The following VPS33B variants were observed in gnomAD, a reference collection of about 807,000 sequenced individuals.
VPS33B encodes VPS33B late endosome and lysosome associated.
A neutral mutation model predicts 95.3 loss-of-function variants in VPS33B; 80 were observed. The ratio of observed to expected loss-of-function variants is 0.84; its 90% CI spans 0.70 to 1.01. The LOEUF (loss-of-function observed/expected upper bound fraction) is 1.01, where lower values mean the gene tolerates loss of function less well. Among genes scored for constraint, VPS33B ranks in the 50% least tolerant of loss-of-function variants. The pLI is 0.00. For missense variants in VPS33B, 715 were observed against 773.4 expected (o/e 0.92, Z 0.90); for synonymous variants, 280 against 280.4 (o/e 1.00, Z 0.01).
rs1361879129 is a variant in VPS33B at position 91,015,014 on chromosome 15, A to G, written c.240-581T>C. Reference sequence around the variant, plus strand: ...TCAGGAGTTTGAGACCAGCCCAGCCAACATGGTGAAACCCCGTCTCTACTA... The same window carrying G: ...TCAGGAGTTTGAGACCAGCCCAGCCGACATGGTGAAACCCCGTCTCTACTA... On this transcript the variant is annotated intron_variant, in intron 3 of 22. Coordinates refer to ENST00000333371, the MANE Select transcript of VPS33B (RefSeq NM_018668.5). The surrounding 1 kb of genome is among the most constrained non-coding windows in gnomAD (Gnocchi z 4.7). Among the ~76,000 whole-genome samples, 1 of 150,692 alleles carries G rather than the reference A, an allele frequency of 6.6e-6. No homozygotes were observed. Among genetic ancestry groups the G allele is most frequent in the Non-Finnish European group, 1.5e-5 (1 of 67,822 alleles).
At position 91,007,518 on chromosome 15, in the gene VPS33B, G is replaced by A. The variant is rs762452344; in HGVS notation, c.554C>T (p.Thr185Ile). Reference protein sequence around the residue: ...TVAQALHLLSTLYGPFPNCYG... With the variant: ...TVAQALHLLSILYGPFPNCYG... Reference sequence around the variant, plus strand: ...GCAGTTTGGAAAGGGTCCATAGAGAGTGCTGAGAAGGTGTAAGGCCTGAGC... The same window carrying A: ...GCAGTTTGGAAAGGGTCCATAGAGAATGCTGAGAAGGTGTAAGGCCTGAGC... Residue 185 changes from threonine (T) to isoleucine (I), a missense_variant, in exon 8 of 23, where the codon ACT becomes ATT. By Grantham distance (89) the Thr-to-Ile change is moderately conservative. Transcript: ENST00000333371. This position sits in a 1 kb window ranked among gnomAD's most constrained non-coding sequence, Gnocchi z 5.3. The A allele has an allele frequency of 1.9e-6, 3 of 1,614,220 alleles. No individual in the cohort carries two copies. In the South Asian group the frequency reaches 3.3e-5, roughly 18 times the overall value.
Position 90,999,538 on chromosome 15 carries a change from C to T in VPS33B, c.1774+139G>A, listed in dbSNP as rs935557000. On this transcript the variant is annotated intron_variant, in intron 22 of 22. Transcript: ENST00000333371. The surrounding 1 kb of genome is among the most constrained non-coding windows in gnomAD (Gnocchi z 5.1). ...TTCACCATGTTGGTCAGGCTAGGCT[C>T]TAACTCCTGACCTCAGGTGATCTGC... The T allele has an allele frequency of 2.2e-6, 2 of 897,254 alleles. No individual in the cohort carries two copies. The allele number at this position is 897,254 out of a possible 1,614,324, so 55.6% of individuals were successfully genotyped here.
intron 2 of VPS33B, among the ~76,000 whole-genome samples, chr15:91,017,368 ATATATATATATATATATATATATATAT>A (rs1230887267): frequency 5.7e-5 from 2 of 35,256 alleles, no homozygotes; most frequent in African/African-American, 1.9e-4. Context: ...ACAAAATTAA[ATATATATATATATATATATATATATAT>A]ATATATATAT....
chr15:91,003,696 C>G (rs920922471), intron 16 of VPS33B, among the ~76,000 whole-genome samples: 3 of 152,112 alleles, frequency 2.0e-5, no homozygotes, highest in Non-Finnish European at 2.9e-5. Context: ...CCTTGGCCTC[C>G]CAAAGTGCTA....
Position 91,007,502 on chromosome 15 carries a change from A to C in VPS33B, c.570T>G (p.Phe190Leu). 1 of 1,614,194 alleles carries C rather than the reference A, an allele frequency of 6.2e-7. No individual in the cohort carries two copies. Among genetic ancestry groups the C allele is most frequent in the Non-Finnish European group, 8.5e-7 (1 of 1,180,028 alleles). ...ACCTGCCAATTCCATAGCAGTTTGG[A>C]AAGGGTCCATAGAGAGTGCTGAGAA... ...LHLLSTLYGP[F>L]PNCYGIGRCA... is the part of the protein sequence containing the mutation. Residue 190 changes from phenylalanine (F) to leucine (L), a missense_variant, in exon 8 of 23, where the codon TTT (phenylalanine) becomes TTG (leucine). By Grantham distance (22) the Phe-to-Leu change is conservative. Coordinates refer to ENST00000333371, the MANE Select transcript of VPS33B (RefSeq NM_018668.5). This position sits in a 1 kb window ranked among gnomAD's most constrained non-coding sequence, Gnocchi z 5.3.
chr15:91,017,784 C>T, intron 2 of VPS33B, 21 bp downstream of exon 2: 2 of 1,613,090 alleles, frequency 1.2e-6, no homozygotes, highest in Non-Finnish European at 1.7e-6. Flanking sequence ...GGGCATGGCC[C>T]CCAGGGGAAA....
At position 91,000,458 on chromosome 15, in the gene VPS33B, TA is replaced by T; in HGVS notation, c.1581+31del. The T allele has an allele frequency of 6.3e-7, 1 of 1,577,720 alleles. No individual in the cohort carries two copies. The highest frequency in any genetic ancestry group is 8.7e-7 in the Non-Finnish European group (1 of 1,151,814). ...CCAAGAGAAAGCAGAGAGAATGAAATATGAATGGGAGCAAGAATTACATGCT... is the reference window on the plus strand; with the variant it reads ...CCAAGAGAAAGCAGAGAGAATGAAATTGAATGGGAGCAAGAATTACATGCT... On this transcript the variant is annotated intron_variant, in intron 20 of 22. Coordinates refer to ENST00000333371, the MANE Select transcript of VPS33B (RefSeq NM_018668.5). This position sits in a 1 kb window ranked among gnomAD's most constrained non-coding sequence, Gnocchi z 4.9.
rs900408432 is a variant in VPS33B, at chr15:91,013,436, A to G, written c.357+368T>C. On this transcript the variant is annotated intron_variant, in intron 5 of 22. Transcript: ENST00000333371. The surrounding 1 kb of genome is among the most constrained non-coding windows in gnomAD (Gnocchi z 4.5). ...CAGTGTTGGGAGGTGCAGCCTAATA[A>G]CAGGTGATTGGGTTATGAGGGAGGA... Among the ~76,000 whole-genome samples the G allele has an allele frequency of 7.9e-5, 12 of 152,206 alleles. No individual in the cohort carries two copies. The highest frequency in any genetic ancestry group is 2.9e-4 in the African/African-American group (12 of 41,456).
chr15:91,006,206 C>A lies in VPS33B; in HGVS notation c.853-147G>T. ...TCTGTAAGTCCATATCAAATGCCTACACCGTGTTCTAGGAGATGCTCTGAA... is the reference window on the plus strand; with the variant it reads ...TCTGTAAGTCCATATCAAATGCCTAAACCGTGTTCTAGGAGATGCTCTGAA... On this transcript the variant is annotated intron_variant, in intron 11 of 22. Transcript: ENST00000333371. The surrounding 1 kb of genome is among the most constrained non-coding windows in gnomAD (Gnocchi z 5.4). The A allele has an allele frequency of 7.5e-7, 1 of 1,331,436 alleles. No homozygotes were observed. Among genetic ancestry groups the A allele is most frequent in the African/African-American group, 1.4e-5 (1 of 70,026 alleles). The allele number at this position is 1,331,436 out of a possible 1,614,324, so 82.5% of individuals were successfully genotyped here. A position where few individuals can be genotyped will look rare whatever the true frequency, so the allele number is the denominator to read the frequency against.
In VPS33B at chr15:91,006,457, G is replaced by C; in HGVS notation, c.779-12C>G. On this transcript the variant is annotated splice_polypyrimidine_tract_variant and intron_variant, in intron 10 of 22. Coordinates refer to ENST00000333371, the MANE Select transcript of VPS33B (RefSeq NM_018668.5). The surrounding 1 kb of genome is among the most constrained non-coding windows in gnomAD (Gnocchi z 5.4). ...AAAGTCGACACTCCCTTTGAGAGCA[G>C]AGGGACAGCTATTAGGATCTCCAAT... 6.2e-7 allele frequency: 1 copy of C among 1,614,168 alleles called. No individual in the cohort carries two copies. The highest frequency in any genetic ancestry group is 8.5e-7 in the Non-Finnish European group (1 of 1,179,992).
intron 19 of VPS33B, among the ~76,000 whole-genome samples, 182 bp downstream of exon 19, chr15:91,001,207 G>A (rs919121077): frequency 5.9e-5 from 9 of 151,920 alleles, no homozygotes; most frequent in African/African-American, 1.7e-4. Flanking sequence ...TCCCTTGGGA[G>A]GCTGAGGCAG....
In VPS33B at chr15:91,013,412, A is replaced by G. The variant is rs886453130; in HGVS notation, c.357+392T>C. On this transcript the variant is annotated intron_variant, in intron 5 of 22. Transcript: ENST00000333371. This position sits in a 1 kb window ranked among gnomAD's most constrained non-coding sequence, Gnocchi z 4.5. ...TTGGAAACTGAATCTGCAGTGCAACAGTGTTGGGAGGTGCAGCCTAATAAC... is the reference window on the plus strand; with the variant it reads ...TTGGAAACTGAATCTGCAGTGCAACGGTGTTGGGAGGTGCAGCCTAATAAC... 6.6e-6 allele frequency among the ~76,000 whole-genome samples: 1 copy of G among 152,208 alleles called. No individual in the cohort carries two copies.
At position 91,016,445 on chromosome 15, in the gene VPS33B, C is replaced by T. The variant is rs145552821; in HGVS notation, c.239+518G>A. 9.0e-4 allele frequency among the ~76,000 whole-genome samples: 127 copies of T among 140,842 alleles called. 1 individual carries two copies. The highest frequency in any genetic ancestry group is 3.4e-3 in the African/African-American group (122 of 36,390). The allele number at this position is 140,842 out of a possible 152,430, so 92.4% of individuals were successfully genotyped here. On this transcript the variant is annotated intron_variant, in intron 3 of 22. Transcript: ENST00000333371. Reference sequence around the variant, plus strand: ...TCACCCAGGCTGGACTGCAGTGGCGCGATCTTGGCTCACTGCAACTCATCG... The same window carrying T: ...TCACCCAGGCTGGACTGCAGTGGCGTGATCTTGGCTCACTGCAACTCATCG...
In VPS33B at chr15:91,013,508, T is replaced by C. The variant is rs1318948186; in HGVS notation, c.357+296A>G. On this transcript the variant is annotated intron_variant, in intron 5 of 22. Transcript: ENST00000333371. This position sits in a 1 kb window ranked among gnomAD's most constrained non-coding sequence, Gnocchi z 4.5. ...TCCTTATGGCAGGAGTGGGTTGCTA[T>C]AAGGCGAGTCCAGCCCCTGGGTGTC... is the stretch of plus-strand genomic sequence containing the variant. Among the ~76,000 whole-genome samples, 1 of 152,146 alleles carries C rather than the reference T, an allele frequency of 6.6e-6. No homozygotes were observed. The highest frequency in any genetic ancestry group is 1.5e-5 in the Non-Finnish European group (1 of 68,012).
At chr15:91,017,367 AATAT>A (rs1159663715) in intron 2 of VPS33B, among the ~76,000 whole-genome samples, 386 of 15,612 alleles carry the variant, frequency 0.025, 3 homozygotes, top group Non-Finnish European at 0.035. Flanking sequence ...TACAAAATTA[AATAT>A]ATATATATAT....
Position 91,000,469 on chromosome 15 carries a change from G to A in VPS33B, c.1581+21C>T, listed in dbSNP as rs753782249. ...CAGAGAGAATGAAATATGAATGGGA[G>A]CAAGAATTACATGCTCTCACCTGCT... is the stretch of plus-strand genomic sequence containing the variant. On this transcript the variant is annotated intron_variant, in intron 20 of 22. Transcript: ENST00000333371. The surrounding 1 kb of genome is among the most constrained non-coding windows in gnomAD (Gnocchi z 4.9). 2.5e-6 allele frequency: 4 copies of A among 1,603,266 alleles called. No individual in the cohort carries two copies. The highest frequency in any genetic ancestry group is 1.3e-5 in the African/African-American group (1 of 74,566).
At chr15:91,016,369 A>ATTCTTC (rs775248307) in intron 3 of VPS33B, among the ~76,000 whole-genome samples, 87 of 138,816 alleles carry the variant, frequency 6.3e-4, no homozygotes, top group Non-Finnish European at 1.0e-3. Flanking sequence ...GGCCTTGCAG[A>ATTCTTC]TTCTTCTTTT....
In VPS33B at chr15:91,014,375, C is replaced by T; in HGVS notation, c.289+9G>A. 1 of 1,614,056 alleles carries T rather than the reference C, an allele frequency of 6.2e-7. No homozygotes were observed. Among genetic ancestry groups the T allele is most frequent in the Non-Finnish European group, 8.5e-7 (1 of 1,180,006 alleles). On this transcript the variant is annotated intron_variant, in intron 4 of 22. Coordinates refer to ENST00000333371, the MANE Select transcript of VPS33B (RefSeq NM_018668.5). ...CCCACAGTTACACATAGTACCATGG[C>T]ACACTCACTGGCAATGTATCGCATA...
intron 3 of VPS33B, among the ~76,000 whole-genome samples, chr15:91,014,884 C>G (rs531999560): frequency 6.7e-6 from 1 of 149,854 alleles, no homozygotes; most frequent in African/African-American, 2.5e-5. Context: ...CTCAGGAGTT[C>G]GAAACTAGCC....
Sources: allele counts gnomAD v4.1 joint callset (sites outside exome capture counted in the v4.1 genomes callset), GRCh38; gene constraint gnomAD v4.1.1; non-coding constraint Gnocchi (gnomAD v3.1); transcripts MANE v1.5; gene names NCBI Gene and HGNC (gene_info 2026-07-23, HGNC 2026-07-21).